The following ZNF277 variants were observed in gnomAD, a reference collection of about 807,000 sequenced individuals.
The protein encoded by ZNF277 is zinc finger protein 277, also known as nuclear receptor-interacting factor 4.
In ZNF277, 55 loss-of-function variants were observed where a neutral mutation model predicts 60.7. That is an observed-to-expected ratio of 0.91 (90% CI 0.73 to 1.13). The LOEUF (loss-of-function observed/expected upper bound fraction) is 1.13. Ranked by LOEUF, ZNF277 falls within the 50% of genes most tolerant of loss-of-function variation. ZNF277 has a pLI of 0.00. For synonymous variants in ZNF277, 178 were observed against 179.3 expected (o/e 0.99, Z 0.06); for missense variants, 510 against 523.0 (o/e 0.98, Z 0.24).
At chr7:112,332,073 A>T in intron 7 of ZNF277, among the ~76,000 whole-genome samples, 1 of 152,208 alleles carries the variant, frequency 6.6e-6, no homozygotes, top group East Asian at 1.9e-4. Flanking sequence ...TCTCTGGATG[A>T]GCATGGCAGA....
At position 112,294,740 on chromosome 7, in the gene ZNF277, A is replaced by C. The variant is rs73717520; in HGVS notation, c.294-1129A>C. Among the ~76,000 whole-genome samples, 15 of 152,272 alleles carry C rather than the reference A, an allele frequency of 9.9e-5. No homozygotes were observed. In the East Asian group the frequency reaches 2.3e-3, roughly 23 times the overall value. ...TCTCTCCAGCACAGACTTCTAATACACAAATGCCCTTTCCATAGAGCACCA... is the reference window on the plus strand; with the variant it reads ...TCTCTCCAGCACAGACTTCTAATACCCAAATGCCCTTTCCATAGAGCACCA... On this transcript the variant is annotated intron_variant, in intron 2 of 11. Coordinates refer to ENST00000361822, the MANE Select transcript of ZNF277 (RefSeq NM_021994.3).
intron 4 of ZNF277, among the ~76,000 whole-genome samples, chr7:112,317,295 T>G (rs1038093568): frequency 3.3e-5 from 5 of 151,986 alleles, no homozygotes; most frequent in African/African-American, 1.2e-4. Flanking sequence ...ATCCCAGAAC[T>G]TAAAGTGTAA....
At chr7:112,228,783 T>A (rs555564477) in intron 1 of ZNF277, among the ~76,000 whole-genome samples, 3 of 152,268 alleles carry the variant, frequency 2.0e-5, no homozygotes, top group Admixed American at 2.0e-4. Flanking sequence ...TGAAATTTGG[T>A]CTTATCCAAA....
intron 11 of ZNF277, 63 bp from the exon 12 acceptor site, chr7:112,342,498 T>A: frequency 1.5e-6 from 2 of 1,342,686 alleles, no homozygotes; most frequent in East Asian, 2.7e-5. Flanking sequence ...ATGTGTACAT[T>A]CAGCTACCTG....
intron 1 of ZNF277, among the ~76,000 whole-genome samples, chr7:112,215,342 G>A (rs977379475): frequency 6.6e-6 from 1 of 152,168 alleles, no homozygotes; most frequent in Non-Finnish European, 1.5e-5. Flanking sequence ...ACTCTGTAAG[G>A]ACAGGAACTG....
intron 4 of ZNF277, among the ~76,000 whole-genome samples, chr7:112,304,574 C>T (rs1436302234): frequency 2.0e-5 from 3 of 152,048 alleles, no homozygotes; most frequent in Admixed American, 2.0e-4. Flanking sequence ...AACTTTTAAT[C>T]CTTAAGTTAG....
At chr7:112,271,219 T>C (rs1337216859) in intron 1 of ZNF277, among the ~76,000 whole-genome samples, 2 of 152,186 alleles carry the variant, frequency 1.3e-5, no homozygotes, top group Non-Finnish European at 2.9e-5. Context: ...AGATACGAGA[T>C]TTCTATCACC....
intron 1 of ZNF277, among the ~76,000 whole-genome samples, chr7:112,276,978 T>C (rs901838125): frequency 6.6e-6 from 1 of 151,634 alleles, no homozygotes; most frequent in African/African-American, 2.4e-5. Context: ...TTACACATTA[T>C]AAATAAAAAT....
At chr7:112,326,505 C>T (rs1793096245) in intron 5 of ZNF277, among the ~76,000 whole-genome samples, 1 of 152,064 alleles carries the variant, frequency 6.6e-6, no homozygotes, top group African/African-American at 2.4e-5. Flanking sequence ...TGGGCTGCCC[C>T]TGGGAAAACC....
chr7:112,236,857 A>T (rs1172529612), intron 1 of ZNF277, among the ~76,000 whole-genome samples: 1 of 152,182 alleles, frequency 6.6e-6, no homozygotes, highest in African/African-American at 2.4e-5. Flanking sequence ...CACTGGGCTT[A>T]AATTGGACTT....
intron 4 of ZNF277, among the ~76,000 whole-genome samples, chr7:112,316,406 ATTGT>A (rs1792845262): frequency 6.6e-6 from 1 of 151,026 alleles, no homozygotes. Flanking sequence ...TTTTCATATG[ATTGT>A]TTGTTTTTTT....
At chr7:112,302,955 T>TG (rs1301679021) in intron 4 of ZNF277, among the ~76,000 whole-genome samples, 1 of 150,478 alleles carries the variant, frequency 6.6e-6, no homozygotes, top group East Asian at 1.9e-4. Flanking sequence ...AGGCCTTTTT[T>TG]TTTTTTTTTT....
At chr7:112,262,247 C>CAAAAAAAA (rs376386868) in intron 1 of ZNF277, among the ~76,000 whole-genome samples, 1 of 77,668 alleles carries the variant, frequency 1.3e-5, no homozygotes, top group African/African-American at 4.3e-5. Flanking sequence ...AAAAGCAATA[C>CAAAAAAAA]AAAAAAAAAA....
intron 1 of ZNF277, among the ~76,000 whole-genome samples, chr7:112,219,301 T>A (rs1821967197): frequency 6.6e-6 from 1 of 152,228 alleles, no homozygotes; most frequent in African/African-American, 2.4e-5. Context: ...GCCAGACTAA[T>A]GTCAAGAAAC....
intron 1 of ZNF277, among the ~76,000 whole-genome samples, chr7:112,235,919 G>A (rs1332287271): frequency 2.0e-5 from 3 of 151,888 alleles, no homozygotes; most frequent in African/African-American, 7.2e-5. Flanking sequence ...CTTACATGTA[G>A]GTTTGTGATC....
chr7:112,273,576 GT>G (rs916857550), intron 1 of ZNF277, among the ~76,000 whole-genome samples: 3 of 152,152 alleles, frequency 2.0e-5, no homozygotes, highest in African/African-American at 7.2e-5. Flanking sequence ...TGTGTGGATA[GT>G]TTTTCAATTT....
chr7:112,290,423 C>T lies in ZNF277; in HGVS notation c.293+3349C>T, dbSNP rs766398038. 4.1e-4 allele frequency among the ~76,000 whole-genome samples: 63 copies of T among 151,966 alleles called. 3 individuals are homozygous for T. The highest frequency in any genetic ancestry group is 2.2e-4 in the Non-Finnish European group (15 of 68,000). On this transcript the variant is annotated intron_variant, in intron 2 of 11. Transcript: ENST00000361822. ...AAAAATTGAATTATTTACTAGGTCT[C>T]GGGACTTAGGAGTCAGTAATTAAAT...
At chr7:112,335,302 A>G (rs1209995024) in intron 7 of ZNF277, among the ~76,000 whole-genome samples, 1 of 152,018 alleles carries the variant, frequency 6.6e-6, no homozygotes, top group Non-Finnish European at 1.5e-5. Flanking sequence ...TCTTTGTGAC[A>G]TTGTCTGCTT....
At chr7:112,266,290 G>A (rs558583021) in intron 1 of ZNF277, among the ~76,000 whole-genome samples, 1 of 152,014 alleles carries the variant, frequency 6.6e-6, no homozygotes, top group Non-Finnish European at 1.5e-5. Context: ...AGGATTACAG[G>A]CACTGGCCAC....
Sources: allele counts gnomAD v4.1 joint callset (sites outside exome capture counted in the v4.1 genomes callset), GRCh38; gene constraint gnomAD v4.1.1; transcripts MANE v1.5; gene names NCBI Gene and HGNC (gene_info 2026-07-23, HGNC 2026-07-21).